Variants in FAM13C observed in about 807,000 individuals in gnomAD.
The protein encoded by FAM13C is protein FAM13C.
A neutral mutation model predicts 73.2 loss-of-function variants in FAM13C; 37 were observed. The ratio of observed to expected loss-of-function variants is 0.51; its 90% CI spans 0.39 to 0.67. The LOEUF is 0.67. Among genes scored for constraint, FAM13C ranks in the 30% least tolerant of loss-of-function variants. FAM13C has a pLI of 0.00. For synonymous variants in FAM13C, 246 were observed against 260.9 expected (o/e 0.94, Z 0.55); for missense variants, 589 against 715.6 (o/e 0.82, Z 2.02).
intron 6 of FAM13C, chr10:59,270,416 G>A (rs953708435): frequency 7.9e-6 from 2 of 252,040 alleles, no homozygotes; most frequent in Non-Finnish European, 7.7e-6. Flanking sequence ...TAAGTCAGAG[G>A]GTATATTACA....
Position 59,308,544 on chromosome 10 carries a change from C to CCACCACCACCAGCACCACCAACCACCAT in FAM13C, c.444-5708_444-5681dup, listed in dbSNP as rs1376636779. On this transcript the variant is annotated intron_variant, in intron 4 of 13. Coordinates refer to ENST00000618804, the MANE Select transcript of FAM13C (RefSeq NM_198215.4). Reference sequence around the variant, plus strand: ...AGCATCACCCCCATCATCACCCCCACCACCACCACCAGCACCACCAACCAC... The same window carrying CCACCACCACCAGCACCACCAACCACCAT: ...AGCATCACCCCCATCATCACCCCCACCACCACCACCAGCACCACCAACCACCATCACCACCACCAGCACCACCAACCAC... Among the ~76,000 whole-genome samples the CCACCACCACCAGCACCACCAACCACCAT allele has an allele frequency of 6.4e-4, 36 of 56,150 alleles. No homozygotes were observed. The East Asian group carries it at 0.014, about 22-fold the overall frequency. The allele number at this position is 56,150 out of a possible 152,430, so 36.8% of individuals were successfully genotyped here. A position where few individuals can be genotyped will look rare whatever the true frequency, so the allele number is the denominator to read the frequency against.
intron 4 of FAM13C, among the ~76,000 whole-genome samples, chr10:59,318,576 T>A (rs1233635356): frequency 6.6e-6 from 1 of 152,110 alleles, no homozygotes; most frequent in African/African-American, 2.4e-5. Context: ...GAAATGACCA[T>A]GGTCACCTGA....
Position 59,355,903 on chromosome 10 carries a change from C to G in FAM13C, c.103G>C (p.Asp35His). Reference protein sequence around the residue: ...DPVSLHEDQTDCSSLRDENNK... With the variant: ...DPVSLHEDQTHCSSLRDENNK... ...GGCTTTTACCTGAGACTGGAGCAAT[C>G]AGTCTGGTCTTCATGTAGAGAGACT... is the stretch of plus-strand genomic sequence containing the variant. The change falls in exon 2 of 14, where the codon GAT (aspartate) becomes CAT (histidine). Residue 35 changes from aspartate (D) to histidine (H), a missense_variant. Coordinates refer to ENST00000618804, the MANE Select transcript of FAM13C (RefSeq NM_198215.4). The G allele has an allele frequency of 1.2e-6, 2 of 1,613,986 alleles. No homozygotes were observed. Among genetic ancestry groups the G allele is most frequent in the Non-Finnish European group, 1.7e-6 (2 of 1,179,912 alleles).
At chr10:59,259,768 C>A (rs553414185) in intron 10 of FAM13C, among the ~76,000 whole-genome samples, 3 of 152,116 alleles carry the variant, frequency 2.0e-5, no homozygotes, top group African/African-American at 4.8e-5. Flanking sequence ...GTGACTTCCA[C>A]GCATGAGGAG....
At chr10:59,284,642 C>T (rs2133704671) in intron 5 of FAM13C, among the ~76,000 whole-genome samples, 1 of 150,442 alleles carries the variant, frequency 6.6e-6, no homozygotes, top group African/African-American at 2.4e-5. Flanking sequence ...ATCCTACATG[C>T]ACTCTCATAC....
At chr10:59,251,189 AT>A in intron 13 of FAM13C, 1 of 272,120 alleles carries the variant, frequency 3.7e-6, no homozygotes, top group Non-Finnish European at 6.8e-6. Flanking sequence ...AGGAATTATT[AT>A]TTAATAAATT....
At chr10:59,362,725 G>C (rs1322116738), upstream of FAM13C, 3 of 621,408 alleles carry the variant, frequency 4.8e-6, no homozygotes, top group Non-Finnish European at 7.9e-6. Context: ...GATCCAGCGA[G>C]GAGCACCTGG....
intron 5 of FAM13C, 113 bp from the exon 6 acceptor site, chr10:59,283,560 C>CTGTTGTGTGTT: frequency 3.9e-6 from 4 of 1,027,964 alleles, no homozygotes; most frequent in Non-Finnish European, 6.1e-6. Flanking sequence ...GCCTAACACA[C>CTGTTGTGTGTT]AACAGTGTGT....
chr10:59,248,900 G>A (rs1158644121), intron 13 of FAM13C, among the ~76,000 whole-genome samples: 1 of 152,050 alleles, frequency 6.6e-6, no homozygotes, highest in Non-Finnish European at 1.5e-5. Flanking sequence ...TCCATAGACA[G>A]CATTCTTCTT....
At chr10:59,254,081 A>T in intron 11 of FAM13C, 1 of 378,010 alleles carries the variant, frequency 2.6e-6, no homozygotes. Context: ...ATTTCTTTTC[A>T]CCCAAGATAA....
At chr10:59,310,668 A>C (rs1290729286) in intron 4 of FAM13C, among the ~76,000 whole-genome samples, 2 of 152,170 alleles carry the variant, frequency 1.3e-5, no homozygotes, top group East Asian at 3.9e-4. Flanking sequence ...TGACTTCCCA[A>C]CCCATGTATC....
At chr10:59,342,853 C>A (rs1009087956) in intron 3 of FAM13C, among the ~76,000 whole-genome samples, 25 of 152,198 alleles carry the variant, frequency 1.6e-4, no homozygotes, top group African/African-American at 6.0e-4. Context: ...TACTTCTAAG[C>A]TCCAAAACAG....
chr10:59,296,344 A>G (rs1454715534), intron 5 of FAM13C, among the ~76,000 whole-genome samples: 2 of 152,236 alleles, frequency 1.3e-5, no homozygotes, highest in Non-Finnish European at 2.9e-5. Flanking sequence ...CATGTGTGCA[A>G]ATTGTCCTAC....
In FAM13C at chr10:59,352,343, A is replaced by G; in HGVS notation, c.251T>C (p.Met84Thr). 1 of 1,614,228 alleles carries G rather than the reference A, an allele frequency of 6.2e-7. No individual in the cohort carries two copies. The change falls in exon 3 of 14, where the codon ATG becomes ACG. Residue 84 changes from methionine to threonine, a missense_variant. Met to Thr is a moderately conservative substitution (Grantham distance 81, BLOSUM62 -1). Coordinates refer to ENST00000618804, the MANE Select transcript of FAM13C (RefSeq NM_198215.4). ...GGGCTTCCTGGACTTGAAGTTGCCC[A>G]TGCTGGGTCGCAATACGCTGTCCAC... ...VLVDSVLRPSMGNFKSRKPKS... is the reference protein window; with the variant it reads ...VLVDSVLRPSTGNFKSRKPKS...
intron 6 of FAM13C, among the ~76,000 whole-genome samples, chr10:59,280,587 C>A (rs1208133437): frequency 6.6e-6 from 1 of 152,216 alleles, no homozygotes; most frequent in Non-Finnish European, 1.5e-5. Flanking sequence ...ATGAAACACA[C>A]AGATTCCAGG....
chr10:59,336,558 T>G (rs1772663081), intron 3 of FAM13C, among the ~76,000 whole-genome samples: 1 of 152,180 alleles, frequency 6.6e-6, no homozygotes, highest in East Asian at 1.9e-4. Flanking sequence ...CTGACTGGTA[T>G]CACCCCAGTT....
intron 4 of FAM13C, among the ~76,000 whole-genome samples, chr10:59,322,207 T>C (rs1488946415): frequency 6.6e-6 from 1 of 152,246 alleles, no homozygotes; most frequent in African/African-American, 2.4e-5. Context: ...GAGATGGATT[T>C]TTTTAAAGTT....
In FAM13C at chr10:59,302,792, T is replaced by A. The variant is rs374605791; in HGVS notation, c.507+9A>T. On this transcript the variant is annotated intron_variant, in intron 5 of 13. Transcript: ENST00000618804. ...TCATGTTCTTATAACCAGTAATGAT[T>A]GCACGTACCTCATTTAAGTCCTGCC... is the stretch of plus-strand genomic sequence containing the variant. 3.7e-6 allele frequency: 6 copies of A among 1,613,196 alleles called. No individual in the cohort carries two copies. In the African/African-American group the frequency reaches 8.0e-5, roughly 22 times the overall value.
At chr10:59,247,869 T>G in intron 13 of FAM13C, 132 bp from the exon 14 acceptor site, 2 of 781,722 alleles carry the variant, frequency 2.6e-6, no homozygotes, top group East Asian at 5.6e-5. Context: ...CTTCTTTTCC[T>G]TCCCTTTCAC....
Sources: allele counts gnomAD v4.1 joint callset (sites outside exome capture counted in the v4.1 genomes callset), GRCh38; gene constraint gnomAD v4.1.1; transcripts MANE v1.5; gene names NCBI Gene and HGNC (gene_info 2026-07-23, HGNC 2026-07-21).